Variants in CCNB3 observed in about 807,000 individuals in gnomAD.
The protein encoded by CCNB3 is G2/mitotic-specific cyclin-B3.
In CCNB3, 12 loss-of-function variants were observed where a neutral mutation model predicts 68.0. The observed-to-expected ratio is 0.18, with a 90% CI of 0.11 to 0.29. CCNB3 has a LOEUF of 0.29. CCNB3 is among the 10% of genes least tolerant of loss of function. CCNB3 has a pLI of 1.00. For missense variants in CCNB3, 904 were observed against 993.1 expected (o/e 0.91, Z 1.21); for synonymous variants, 354 against 388.9 (o/e 0.91, Z 1.06).
intron 1 of CCNB3, among the ~76,000 whole-genome samples, chrX:50,219,223 C>G (rs1241269963): frequency 1.8e-5 from 2 of 111,359 alleles, no homozygotes; most frequent in Non-Finnish European, 3.8e-5. Context: ...TGTAGGTTGC[C>G]TTTTCACTCT....
At chrX:50,227,870 T>C (rs1268183204) in intron 1 of CCNB3, among the ~76,000 whole-genome samples, 3 of 78,772 alleles carry the variant, frequency 3.8e-5, no homozygotes, top group East Asian at 7.0e-4. Context: ...GGAGAATATA[T>C]AAATATATAG....
intron 1 of CCNB3, among the ~76,000 whole-genome samples, chrX:50,226,979 T>TATATATATAGA (rs1935857056): frequency 1.6e-3 from 112 of 69,936 alleles, no homozygotes; most frequent in African/African-American, 7.3e-3. Flanking sequence ...ATATATATAG[T>TATATATATAGA]ATATATATAG....
At chrX:50,280,756 G>A (rs889584684) in intron 1 of CCNB3, among the ~76,000 whole-genome samples, 18 of 109,994 alleles carry the variant, frequency 1.6e-4, no homozygotes, top group South Asian at 4.0e-4. Context: ...AAATGAAAAC[G>A]CGTCTTTTAT....
intron 5 of CCNB3, among the ~76,000 whole-genome samples, chrX:50,297,431 G>C (rs1409971816): frequency 9.0e-6 from 1 of 111,640 alleles, no homozygotes; most frequent in Non-Finnish European, 1.9e-5. Context: ...TCAAAGATCA[G>C]ATAGTTGTTG....
At chrX:50,308,470 A>T in intron 5 of CCNB3, 35 bp from the exon 6 acceptor site, 1 of 964,393 alleles carries the variant, frequency 1.0e-6, no homozygotes, top group Non-Finnish European at 1.4e-6. Flanking sequence ...TCTAGGAACT[A>T]CATTTTTCTT....
intron 3 of CCNB3, among the ~76,000 whole-genome samples, chrX:50,285,565 C>A (rs779520715): frequency 9.0e-6 from 1 of 111,634 alleles, no homozygotes; most frequent in Admixed American, 9.6e-5. Flanking sequence ...AAGCTCCAAG[C>A]ACCTTGCTGA....
At chrX:50,204,471 A>G (rs1357874337), upstream of CCNB3, 1 of 105,509 alleles carries the variant, frequency 9.5e-6, no homozygotes, top group African/African-American at 3.5e-5. Flanking sequence ...GGTGCTTGGC[A>G]GCACTGGCCA....
intron 5 of CCNB3, among the ~76,000 whole-genome samples, chrX:50,306,515 G>A (rs1444122909): frequency 8.9e-6 from 1 of 111,913 alleles, no homozygotes; most frequent in Non-Finnish European, 1.9e-5. Flanking sequence ...TTGAATAGAA[G>A]TATCAAGAGT....
chrX:50,217,507 C>T (rs1205468134), intron 1 of CCNB3, among the ~76,000 whole-genome samples: 1 of 110,298 alleles, frequency 9.1e-6, no homozygotes, highest in African/African-American at 3.3e-5. Flanking sequence ...CTCCTGACCT[C>T]GTGATCTGCC....
chrX:50,330,314 G>C (rs953751634), intron 8 of CCNB3, among the ~76,000 whole-genome samples: 20 of 111,741 alleles, frequency 1.8e-4, no homozygotes, highest in African/African-American at 6.5e-4. Context: ...AACCGTTTAG[G>C]TCAGGGGTCA....
intron 8 of CCNB3, among the ~76,000 whole-genome samples, chrX:50,323,271 GA>G (rs1922122567): frequency 9.0e-6 from 1 of 110,973 alleles, no homozygotes; most frequent in Non-Finnish European, 1.9e-5. Flanking sequence ...CCTTTGTAGG[GA>G]CATGGATGAA....
In CCNB3 at chrX:50,351,758, G is replaced by T. The variant is rs1158260345; in HGVS notation, c.*55G>T. Reference sequence around the variant, plus strand: ...AACAGGGTATATTTATTCTATGTTCGAATTTGTCTTTTGATCGCTTTTATT... The same window carrying T: ...AACAGGGTATATTTATTCTATGTTCTAATTTGTCTTTTGATCGCTTTTATT... On this transcript the variant is annotated 3_prime_UTR_variant, in exon 13 of 13. Transcript: ENST00000376042. 48 of 908,376 alleles carry T rather than the reference G, an allele frequency of 5.3e-5. No individual in the cohort carries two copies. The highest frequency in any genetic ancestry group is 6.9e-5 in the Non-Finnish European group (45 of 652,515). 74.9% of individuals were successfully genotyped at this position (908,376 alleles called of 1,213,427 possible). A position where few individuals can be genotyped will look rare whatever the true frequency, so the allele number is the denominator to read the frequency against.
chrX:50,312,067 G>A (rs782576944), intron 6 of CCNB3, among the ~76,000 whole-genome samples: 6 of 110,145 alleles, frequency 5.4e-5, no homozygotes, highest in Admixed American at 2.0e-4. Flanking sequence ...TGGTCTTTAC[G>A]TTGTAAATTT....
chrX:50,227,722 A>G (rs1411743582), intron 1 of CCNB3, among the ~76,000 whole-genome samples: 5 of 89,107 alleles, frequency 5.6e-5, no homozygotes, highest in South Asian at 4.9e-4. Flanking sequence ...ATAAATATAT[A>G]GAGAGATAAT....
At chrX:50,204,020 CTTGTAGAG>C (rs1390161161), upstream of CCNB3, among the ~76,000 whole-genome samples, 7 of 111,563 alleles carry the variant, frequency 6.3e-5, no homozygotes, top group East Asian at 2.0e-3. Context: ...TAAATCTGGC[CTTGTAGAG>C]TTAATTACCT....
intron 4 of CCNB3, among the ~76,000 whole-genome samples, chrX:50,290,289 G>C (rs1246998973): frequency 8.9e-6 from 1 of 111,777 alleles, no homozygotes; most frequent in Non-Finnish European, 1.9e-5. Flanking sequence ...AGGCTGAAAA[G>C]TCCAAGATCA....
chrX:50,323,846 G>A, intron 8 of CCNB3, among the ~76,000 whole-genome samples: 1 of 111,846 alleles, frequency 8.9e-6, no homozygotes, highest in South Asian at 3.8e-4. Context: ...TTTTCTGGCA[G>A]TACTAAATTT....
Position 50,351,367 on chromosome X carries a change from C to T in CCNB3, c.4087C>T (p.His1363Tyr). 1 of 1,210,958 alleles carries T rather than the reference C, an allele frequency of 8.3e-7. No homozygotes were observed. The highest frequency in any genetic ancestry group is 1.1e-6 in the Non-Finnish European group (1 of 895,136). ...CAAGGCTGTGTATTACAAGTATTCT[C>T]ACCCGTAAGTACTAAGCCCCGGATG... is the stretch of plus-strand genomic sequence containing the variant. ...SLKAVYYKYS[H>Y]PVFFEVAKIP... is the part of the protein sequence containing the mutation. The change falls in exon 12 of 13, where the codon CAC becomes TAC. Residue 1363 changes from histidine (H) to tyrosine (Y), a missense_variant. Around this residue, in one of 2 missense-constraint regions of CCNB3, gnomAD observed 285 missense variants for 383.4 expected, o/e 0.74. Coordinates refer to ENST00000376042, the MANE Select transcript of CCNB3 (RefSeq NM_033031.3).
intron 9 of CCNB3, 21 bp downstream of exon 9, chrX:50,342,360 C>A: frequency 1.7e-6 from 2 of 1,159,616 alleles, no homozygotes; most frequent in Non-Finnish European, 2.3e-6. Context: ...GTCCCTATGG[C>A]CTGGAGAACT....
Sources: allele counts gnomAD v4.1 joint callset (sites outside exome capture counted in the v4.1 genomes callset), GRCh38; gene constraint gnomAD v4.1.1; regional missense constraint gnomAD v4.1.1; transcripts MANE v1.5; gene names NCBI Gene and HGNC (gene_info 2026-07-23, HGNC 2026-07-21).